Variants in FOXN4 observed in about 807,000 individuals in gnomAD.
FOXN4 encodes forkhead box protein N4.
FOXN4 carries 12 observed loss-of-function variants against 45.0 expected under a neutral mutation model. The ratio of observed to expected loss-of-function variants is 0.27; its 90% confidence interval spans 0.17 to 0.43. The LOEUF is 0.43. Among genes scored for constraint, FOXN4 ranks in the 20% least tolerant of loss-of-function variants. FOXN4 has a pLI of 1.00. For missense variants in FOXN4, 560 were observed against 694.9 expected (o/e 0.81, Z 2.18); for synonymous variants, 297 against 295.0 (o/e 1.01, Z -0.07).
intron 8 of FOXN4, among the ~76,000 whole-genome samples, chr12:109,283,428 T>C (rs2047671473): frequency 6.6e-6 from 1 of 152,060 alleles, no homozygotes; most frequent in Non-Finnish European, 1.5e-5. Flanking sequence ...ATGATCTTGC[T>C]GTGGATATTG....
chr12:109,308,369 T>C (rs1328987211), intron 1 of FOXN4, 45 bp from the exon 2 acceptor site: 2 of 1,396,148 alleles, frequency 1.4e-6, no homozygotes, highest in South Asian at 1.3e-5. Context: ...TCAGCGACGA[T>C]ATGGACAGGG....
rs73190620 is a variant in FOXN4, at chr12:109,291,056, C to T, written c.87-770G>A. Among the ~76,000 whole-genome samples the T allele has an allele frequency of 0.05, 7,683 of 152,256 alleles. 238 individuals carry two copies. The highest frequency in any genetic ancestry group is 0.071 in the Middle Eastern group (21 of 294). On this transcript the variant is annotated intron_variant, in intron 2 of 9. Transcript: ENST00000299162. The surrounding 1 kb of genome is among the most constrained non-coding windows in gnomAD (Gnocchi z 6.6). ...GGGGCTGAGACCCAGTCAGTGCCTC[C>T]TGAAGCCTGAGCCCTTCAACTCGAC... is the stretch of plus-strand genomic sequence containing the variant.
At position 109,287,277 on chromosome 12, in the gene FOXN4, A is replaced by C; in HGVS notation, c.596+120T>G. ...CCCACCTGGGGGTTCCCCACTCCCC[A>C]AAACCTCCCCCTTGGAAGTCTGGGC... On this transcript the variant is annotated intron_variant, in intron 6 of 9. Coordinates refer to ENST00000299162, the MANE Select transcript of FOXN4 (RefSeq NM_213596.3). This position sits in a 1 kb window ranked among gnomAD's most constrained non-coding sequence, Gnocchi z 4.1. The C allele has an allele frequency of 7.3e-7, 1 of 1,378,442 alleles. No homozygotes were observed. Among genetic ancestry groups the C allele is most frequent in the Non-Finnish European group, 9.8e-7 (1 of 1,018,300 alleles). The allele number at this position is 1,378,442 out of a possible 1,614,324, so 85.4% of individuals were successfully genotyped here. A position where few individuals can be genotyped will look rare whatever the true frequency, so the allele number is the denominator to read the frequency against.
intron 1 of FOXN4, 99 bp from the exon 2 acceptor site, chr12:109,308,423 A>C: frequency 4.0e-6 from 3 of 743,628 alleles, no homozygotes; most frequent in Non-Finnish European, 6.4e-6. Context: ...ATGGAGCACA[A>C]TCAACTCACA....
At position 109,288,149 on chromosome 12, in the gene FOXN4, C is replaced by G. The variant is rs1438753327; in HGVS notation, c.264G>C (p.Val88=). ...GALAGVADLH[V]GATPSPLLHG... ...GGAGAAGGGGACTTGGAGTGGCTCCCACATGCAGGTCGGCCACCCCAGCCA... is the reference window on the plus strand; with the variant it reads ...GGAGAAGGGGACTTGGAGTGGCTCCGACATGCAGGTCGGCCACCCCAGCCA... The change falls in exon 4 of 10, where the codon GTG becomes GTC. Residue 88 remains valine (V), a synonymous_variant. Transcript: ENST00000299162. This position sits in a 1 kb window ranked among gnomAD's most constrained non-coding sequence, Gnocchi z 4.3. 6.5e-7 allele frequency: 1 copy of G among 1,547,624 alleles called. No homozygotes were observed. The highest frequency in any genetic ancestry group is 1.2e-5 in the South Asian group (1 of 83,740).
Position 109,279,739 on chromosome 12 carries a change from C to G in FOXN4, c.1486G>C (p.Ala496Pro), listed in dbSNP as rs372454360. The change falls in exon 10 of 10, where the codon GCA (alanine) becomes CCA (proline). Residue 496 changes from alanine (A) to proline (P), a missense_variant. Around this residue, in one of 5 missense-constraint regions of FOXN4, gnomAD observed 315 missense variants for 350.5 expected, o/e 0.90. Transcript: ENST00000299162. ...TGGGAGGAGGAGCTGGTGCCCGATG[C>G]AGCCACACTGTCCGGAGTGGAGTAC... ...TAYSTPDSVA[A>P]SGTSSSSQYL... 1 of 1,583,898 alleles carries G rather than the reference C, an allele frequency of 6.3e-7. No individual in the cohort carries two copies. Among genetic ancestry groups the G allele is most frequent in the African/African-American group, 1.3e-5 (1 of 74,260 alleles).
intron 2 of FOXN4, among the ~76,000 whole-genome samples, chr12:109,297,217 G>A (rs536751675): frequency 2.0e-5 from 3 of 152,392 alleles, no homozygotes; most frequent in Admixed American, 6.5e-5. Flanking sequence ...GTGAGTAGCA[G>A]GTGCCTGAGC....
chr12:109,285,603 C>G (rs374282473), intron 7 of FOXN4, 92 bp from the exon 8 acceptor site: 1 of 1,332,724 alleles, frequency 7.5e-7, no homozygotes, highest in Non-Finnish European at 1.1e-6. Flanking sequence ...GGCAGGACAC[C>G]GCGGTGGCAG....
chr12:109,290,337 C>T lies in FOXN4; in HGVS notation c.87-51G>A. The T allele has an allele frequency of 2.0e-6, 3 of 1,494,650 alleles. No homozygotes were observed. The highest frequency in any genetic ancestry group is 2.8e-5 in the African/African-American group (2 of 71,688). The allele number at this position is 1,494,650 out of a possible 1,614,324, so 92.6% of individuals were successfully genotyped here. On this transcript the variant is annotated intron_variant, in intron 2 of 9. Transcript: ENST00000299162. The surrounding 1 kb of genome is among the most constrained non-coding windows in gnomAD (Gnocchi z 5.1). ...GCGGGAGGGGGAGCTTAGGCCAGCT[C>T]CTGGGGGTGCGTCCCGACCTCTGGA...
intron 7 of FOXN4, among the ~76,000 whole-genome samples, chr12:109,286,143 C>T (rs1305015879): frequency 1.3e-5 from 2 of 152,154 alleles, no homozygotes; most frequent in East Asian, 3.8e-4. Flanking sequence ...AATCCAGGGA[C>T]CCCACAGCTT....
rs144381946 is a variant in FOXN4 at position 109,286,690 on chromosome 12, G to A, written c.651C>T (p.Ser217=). 2,140 of 1,609,702 alleles carry A rather than the reference G, an allele frequency of 1.3e-3. 4 individuals are homozygous for A. The highest frequency in any genetic ancestry group is 1.6e-3 in the Non-Finnish European group (1,928 of 1,179,668). ...KNSKTGSLPV[S]EIYSFMKEHF... is the part of the protein sequence containing the mutation. ...GCTCCTTCATGAAGCTGTAGATCTCGCTCACAGGCAGGCTGCCTGTCTTGC... is the reference window on the plus strand; with the variant it reads ...GCTCCTTCATGAAGCTGTAGATCTCACTCACAGGCAGGCTGCCTGTCTTGC... The change falls in exon 7 of 10, where the codon AGC becomes AGT. Residue 217 remains serine (S), a synonymous_variant. Coordinates refer to ENST00000299162, the MANE Select transcript of FOXN4 (RefSeq NM_213596.3).
Position 109,287,233 on chromosome 12 carries a change from C to T in FOXN4, c.596+164G>A, listed in dbSNP as rs960028771. ...TCTTGACCTGGGGGACCCTATGATG[C>T]GCCTTCCTGAGAACAAGTCCCACCT... is the stretch of plus-strand genomic sequence containing the variant. On this transcript the variant is annotated intron_variant, in intron 6 of 9. Transcript: ENST00000299162. This position sits in a 1 kb window ranked among gnomAD's most constrained non-coding sequence, Gnocchi z 4.1. 3.3e-5 allele frequency among the ~76,000 whole-genome samples: 5 copies of T among 152,198 alleles called. No homozygotes were observed. Among genetic ancestry groups the T allele is most frequent in the African/African-American group, 7.2e-5 (3 of 41,454 alleles).
rs1238427501 is a variant in FOXN4 at position 109,288,160 on chromosome 12, C to T, written c.253G>A (p.Asp85Asn). ...PHPGALAGVA[D>N]LHVGATPSPL... ...CTTGGAGTGGCTCCCACATGCAGGT[C>T]GGCCACCCCAGCCAAGGCACCTGCC... Residue 85 changes from aspartate (D) to asparagine (N), a missense_variant, in exon 4 of 10, where the codon GAC becomes AAC. Physicochemically the swap from Asp to Asn is conservative, Grantham distance 23 (BLOSUM62 1). This residue lies in a region of FOXN4 where 142 missense variants were observed against 185.7 expected (regional missense o/e 0.76). Coordinates refer to ENST00000299162, the MANE Select transcript of FOXN4 (RefSeq NM_213596.3). This position sits in a 1 kb window ranked among gnomAD's most constrained non-coding sequence, Gnocchi z 4.3. The T allele has an allele frequency of 7.1e-6, 11 of 1,547,010 alleles. No homozygotes were observed. Among genetic ancestry groups the T allele is most frequent in the Non-Finnish European group, 7.9e-6 (9 of 1,146,006 alleles).
chr12:109,299,130 T>A (rs1262450201), intron 2 of FOXN4, among the ~76,000 whole-genome samples: 2 of 152,060 alleles, frequency 1.3e-5, no homozygotes, highest in Non-Finnish European at 2.9e-5. Context: ...GGAGTCCTCA[T>A]TGGTGAGCAG....
In FOXN4 at chr12:109,287,968, AGAG is replaced by A. The variant is rs1048793606; in HGVS notation, c.358-17_358-15del. On this transcript the variant is annotated splice_polypyrimidine_tract_variant and intron_variant, in intron 4 of 9. Transcript: ENST00000299162. The surrounding 1 kb of genome is among the most constrained non-coding windows in gnomAD (Gnocchi z 4.1). ...GAACTGGCTCATCTGCTGGGCAGGA[AGAG>A]GAGGAGACAGAGGGTCACGGTGGGG... The A allele has an allele frequency of 1.9e-5, 30 of 1,549,730 alleles. No individual in the cohort carries two copies. In the Middle Eastern group the frequency reaches 5.0e-4, roughly 26 times the overall value.
intron 2 of FOXN4, among the ~76,000 whole-genome samples, chr12:109,302,899 CA>C: frequency 6.6e-6 from 1 of 152,242 alleles, no homozygotes; most frequent in Non-Finnish European, 1.5e-5. Context: ...AACCATTACA[CA>C]AAAAGGGATT....
At chr12:109,286,775 A>AGGAGGTG (rs766892721) in intron 6 of FOXN4, 31 bp from the exon 7 acceptor site, 2 of 1,580,786 alleles carry the variant, frequency 1.3e-6, no homozygotes, top group African/African-American at 2.7e-5. Flanking sequence ...AGGGCAGGGC[A>AGGAGGTG]GGGCAGGACA....
chr12:109,287,800 G>C lies in FOXN4; in HGVS notation c.468+44C>G. 6.7e-7 allele frequency: 1 copy of C among 1,497,148 alleles called. No homozygotes were observed. Among genetic ancestry groups the C allele is most frequent in the Non-Finnish European group, 8.9e-7 (1 of 1,121,872 alleles). 92.7% of individuals were successfully genotyped at this position (1,497,148 alleles called of 1,614,324 possible). A position where few individuals can be genotyped will look rare whatever the true frequency, so the allele number is the denominator to read the frequency against. On this transcript the variant is annotated intron_variant, in intron 5 of 9. Coordinates refer to ENST00000299162, the MANE Select transcript of FOXN4 (RefSeq NM_213596.3). This position sits in a 1 kb window ranked among gnomAD's most constrained non-coding sequence, Gnocchi z 4.1. ...AGGGGTCCCCGGCCAGCCCAAGGCA[G>C]GGTGTCTGCTGCTCAGTCCAGGGCT...
chr12:109,299,444 A>G (rs530813572), intron 2 of FOXN4, among the ~76,000 whole-genome samples: 1 of 152,130 alleles, frequency 6.6e-6, no homozygotes, highest in East Asian at 1.9e-4. Context: ...ACGCCCACAG[A>G]CCCTAGAGGC....
Sources: gnomAD v4.1 joint callset for allele counts (sites outside exome capture counted in the v4.1 genomes callset) on GRCh38, gnomAD v4.1.1 for gene constraint, gnomAD v4.1.1 regional missense constraint, Gnocchi (gnomAD v3.1) non-coding constraint, MANE v1.5 for transcripts, NCBI Gene and HGNC (gene_info 2026-07-23, HGNC 2026-07-21) for gene names.